Variants in ENOX2 observed in about 807,000 individuals in gnomAD.
ENOX2 encodes APK1 antigen.
A neutral mutation model predicts 45.0 loss-of-function variants in ENOX2; 36 were observed. That is an observed-to-expected ratio of 0.80 (90% CI 0.61 to 1.06). The LOEUF is 1.06. ENOX2 is among the 50% of genes least tolerant of loss of function. The probability of loss-of-function intolerance (pLI) is 0.00; values close to 1 mark genes in which losing one functional copy is unlikely to be tolerated. For missense variants in ENOX2, 423 were observed against 462.5 expected, an observed-to-expected ratio of 0.91 and a Z score of 0.78; for synonymous variants, 174 against 152.3, an observed-to-expected ratio of 1.14 and a Z score of -1.05.
chrX:130,887,399 T>C (rs1038790483), intron 2 of ENOX2, among the ~76,000 whole-genome samples: 7 of 97,656 alleles, frequency 7.2e-5, no homozygotes, highest in African/African-American at 2.6e-4. Flanking sequence ...ATAGCTATAA[T>C]TCAGCTTAGA....
chrX:130,681,439 T>C (rs1308446576), intron 5 of ENOX2, among the ~76,000 whole-genome samples: 1 of 111,583 alleles, frequency 9.0e-6, no homozygotes, highest in Non-Finnish European at 1.9e-5. Flanking sequence ...GCAGTTGTAA[T>C]GTGTAGTTAA....
chrX:130,661,984 T>C (rs1274770429), intron 9 of ENOX2, among the ~76,000 whole-genome samples: 2 of 112,126 alleles, frequency 1.8e-5, no homozygotes, highest in Non-Finnish European at 3.8e-5. Context: ...TTGTTATGGC[T>C]CTAGTTTTTA....
intron 2 of ENOX2, among the ~76,000 whole-genome samples, chrX:130,815,897 A>G (rs913750624): frequency 1.8e-5 from 2 of 111,598 alleles, no homozygotes; most frequent in South Asian, 3.8e-4. Flanking sequence ...ACACATAACA[A>G]TATTAACCTT....
At chrX:130,676,077 T>C (rs2037141388) in intron 6 of ENOX2, among the ~76,000 whole-genome samples, 1 of 111,985 alleles carries the variant, frequency 8.9e-6, no homozygotes, top group Non-Finnish European at 1.9e-5. Context: ...CCATTCATCT[T>C]ATTTGATCAT....
intron 4 of ENOX2, among the ~76,000 whole-genome samples, chrX:130,689,628 G>A (rs5977348): frequency 0.013 from 1,435 of 111,489 alleles, 22 homozygotes; most frequent in African/African-American, 0.045. Context: ...GAATTATTTG[G>A]GCCTCCGCAA....
At chrX:130,803,810 C>T (rs1409816195) in intron 2 of ENOX2, among the ~76,000 whole-genome samples, 4 of 112,018 alleles carry the variant, frequency 3.6e-5, no homozygotes, top group Non-Finnish European at 5.7e-5. Flanking sequence ...TCCCTAGGGA[C>T]GGATAGAAGT....
rs981534893 is a variant in ENOX2 at position 130,812,049 on chromosome X, G to A, written c.-182-28359C>T. Among the ~76,000 whole-genome samples the A allele has an allele frequency of 9.0e-5, 10 of 111,577 alleles. No homozygotes were observed. The East Asian group carries it at 1.7e-3, about 19-fold the overall frequency. On this transcript the variant is annotated intron_variant, in intron 2 of 14. Coordinates refer to ENST00000394363, the MANE Select transcript of ENOX2 (RefSeq NM_006375.4). ...AAAAAAGAATGAAAATAAAGGATGC[G>A]AGCTCACAGGATTTATGGGGTAGCA...
chrX:130,798,079 T>C (rs1448859798), intron 2 of ENOX2, among the ~76,000 whole-genome samples: 1 of 111,125 alleles, frequency 9.0e-6, no homozygotes, highest in Non-Finnish European at 1.9e-5. Flanking sequence ...CCAGAAATTC[T>C]CATTAAATTG....
intron 2 of ENOX2, among the ~76,000 whole-genome samples, chrX:130,837,749 T>C (rs928486320): frequency 8.9e-6 from 1 of 111,749 alleles, no homozygotes; most frequent in African/African-American, 3.3e-5. Flanking sequence ...AAAATGGAGA[T>C]AACAATAGTA....
intron 2 of ENOX2, among the ~76,000 whole-genome samples, chrX:130,892,523 C>T (rs966171280): frequency 2.7e-5 from 3 of 112,654 alleles, no homozygotes; most frequent in Non-Finnish European, 5.6e-5. Context: ...TGGCCCTCTT[C>T]TCAGATTCCC....
intron 2 of ENOX2, among the ~76,000 whole-genome samples, chrX:130,862,550 ATCACTTAAGAC>A (rs1342420112): frequency 9.1e-6 from 1 of 109,680 alleles, no homozygotes; most frequent in Non-Finnish European, 1.9e-5. Flanking sequence ...GCTATATAAA[ATCACTTAAGAC>A]TCTGAGTATG....
chrX:130,744,192 T>C (rs990643411), intron 3 of ENOX2, among the ~76,000 whole-genome samples: 39 of 112,332 alleles, frequency 3.5e-4, no homozygotes, highest in Non-Finnish European at 4.9e-4. Context: ...ATGTGTCATA[T>C]GCAATTGTGT....
chrX:130,860,170 T>C (rs1204930852), intron 2 of ENOX2, among the ~76,000 whole-genome samples: 1 of 111,198 alleles, frequency 9.0e-6, no homozygotes, highest in Non-Finnish European at 1.9e-5. Flanking sequence ...TTGGCCAGGC[T>C]GCTCTCGAAC....
chrX:130,872,902 G>T (rs777910945), intron 2 of ENOX2, among the ~76,000 whole-genome samples: 4 of 111,628 alleles, frequency 3.6e-5, no homozygotes, highest in African/African-American at 1.3e-4. Context: ...AACTCAGGAT[G>T]GATTAAAGAC....
intron 10 of ENOX2, among the ~76,000 whole-genome samples, chrX:130,655,011 A>C (rs1417809319): frequency 1.8e-5 from 2 of 112,433 alleles, no homozygotes; most frequent in Admixed American, 9.4e-5. Context: ...TCATGGTAAC[A>C]CTGACTAAAT....
chrX:130,773,870 T>C (rs1314529981), intron 3 of ENOX2, among the ~76,000 whole-genome samples: 1 of 112,245 alleles, frequency 8.9e-6, no homozygotes, highest in Non-Finnish European at 1.9e-5. Flanking sequence ...TAGCTCACAT[T>C]ATGGAGGATA....
rs140189926 is a variant in ENOX2, at chrX:130,631,558, G to A, written c.1438C>T (p.Leu480=). 1.7e-6 allele frequency: 2 copies of A among 1,186,352 alleles called. No individual in the cohort carries two copies. Among genetic ancestry groups the A allele is most frequent in the Admixed American group, 4.3e-5 (2 of 45,989 alleles). Residue 480 remains leucine (L), a synonymous_variant, in exon 13 of 15, where the codon CTG becomes TTG. Coordinates refer to ENST00000394363, the MANE Select transcript of ENOX2 (RefSeq NM_006375.4). ...TCGCTATCCTGGTTTGAGGCACACA[G>A]CCTAGAAGCACAGCTTTCCTGTGGA... The part of the protein sequence containing the change: ...LKEKESCASR[L]CASNQDSEYP...
intron 3 of ENOX2, among the ~76,000 whole-genome samples, chrX:130,736,183 G>A (rs1318306895): frequency 3.6e-5 from 4 of 110,950 alleles, no homozygotes; most frequent in Non-Finnish European, 7.6e-5. Flanking sequence ...GGCCAACATA[G>A]TGAAACACCG....
intron 3 of ENOX2, among the ~76,000 whole-genome samples, chrX:130,715,569 G>GTT (rs59886678): frequency 9.9e-6 from 1 of 100,797 alleles, no homozygotes. Context: ...CAAAATGACT[G>GTT]TTTTTTTTTT....
Sources: allele counts gnomAD v4.1 joint callset (sites outside exome capture counted in the v4.1 genomes callset), GRCh38; gene constraint gnomAD v4.1.1; transcripts MANE v1.5; gene names NCBI Gene and HGNC (gene_info 2026-07-23, HGNC 2026-07-21).